The following ADORA2B variants were observed in gnomAD, a reference collection of about 807,000 sequenced individuals.
ADORA2B encodes the protein adenosine A2b receptor.
Under a neutral mutation model 20.8 loss-of-function variants are expected in ADORA2B, and 18 were observed. The ratio of observed to expected loss-of-function variants is 0.87; its 90% CI spans 0.60 to 1.29. ADORA2B has a LOEUF of 1.29. ADORA2B is among the 50% of genes most tolerant of loss of function. The pLI, the probability that ADORA2B is intolerant of heterozygous loss-of-function variation, is 0.00. For missense variants in ADORA2B, 441 were observed against 422.7 expected, an observed-to-expected ratio of 1.04 and a Z score of -0.38; for synonymous variants, 179 against 178.3, an observed-to-expected ratio of 1.00 and a Z score of -0.03.
the ADORA2B span, among the ~76,000 whole-genome samples, chr17:15,880,128 C>T: frequency 2.8e-5 from 4 of 143,320 alleles, no homozygotes; most frequent in South Asian, 2.2e-4. Flanking sequence ...CCATCGACCC[C>T]GGTGCCTCAG....
At chr17:15,898,355 G>A in the ADORA2B span, among the ~76,000 whole-genome samples, 5 of 151,786 alleles carry the variant, frequency 3.3e-5, no homozygotes, top group Non-Finnish European at 7.4e-5. Flanking sequence ...GTGCAATGGC[G>A]CGATCTCGGC....
At chr17:15,950,888 T>C (rs1297744600) in intron 1 of ADORA2B, among the ~76,000 whole-genome samples, 1 of 150,524 alleles carries the variant, frequency 6.6e-6, no homozygotes, top group East Asian at 1.9e-4. Flanking sequence ...TGCATTGGTT[T>C]ACCGCCATCT....
the ADORA2B span, among the ~76,000 whole-genome samples, chr17:15,854,217 A>C: frequency 6.6e-6 from 1 of 152,322 alleles, no homozygotes; most frequent in South Asian, 2.1e-4. Flanking sequence ...GACCTCCCAA[A>C]GTGCTGGGAT....
Position 15,960,368 on chromosome 17 carries a change from C to A in ADORA2B, c.336-14311C>A, listed in dbSNP as rs1381047127. Among the ~76,000 whole-genome samples, 45 of 13,150 alleles carry A rather than the reference C, an allele frequency of 3.4e-3. 20 individuals carry two copies. Among genetic ancestry groups the A allele is most frequent in the Middle Eastern group, 0.14 (2 of 14 alleles). The allele number at this position is 13,150 out of a possible 152,430, so 8.6% of individuals were successfully genotyped here. A position where few individuals can be genotyped will look rare whatever the true frequency, so the allele number is the denominator to read the frequency against. ...AGGAGATCGAGACCATCCTGGCTAA[C>A]ACGGTGAAACCCCGTCTCTACTAAA... On this transcript the variant is annotated intron_variant, in intron 1 of 1. Coordinates refer to ENST00000304222, the MANE Select transcript of ADORA2B (RefSeq NM_000676.4).
chr17:15,917,690 CG>C, the ADORA2B span, among the ~76,000 whole-genome samples: 2 of 152,246 alleles, frequency 1.3e-5, no homozygotes, highest in Non-Finnish European at 1.5e-5. Flanking sequence ...GCGCCGGTGA[CG>C]GGGGCTCTGC....
the ADORA2B span, among the ~76,000 whole-genome samples, chr17:15,867,815 C>CCA: frequency 6.7e-6 from 1 of 148,566 alleles, no homozygotes; most frequent in African/African-American, 2.6e-5. Context: ...TGCCCGGCCG[C>CCA]CCCTACTGGG....
upstream of ADORA2B, among the ~76,000 whole-genome samples, chr17:15,941,135 C>G (rs986381490): frequency 6.6e-6 from 1 of 152,190 alleles, no homozygotes; most frequent in South Asian, 2.1e-4. Context: ...CTTCCACTTT[C>G]ACCAGTGAAA....
At chr17:15,921,711 A>G in the ADORA2B span, among the ~76,000 whole-genome samples, 5 of 152,314 alleles carry the variant, frequency 3.3e-5, no homozygotes, top group African/African-American at 1.2e-4. Context: ...CTCCCTTCTC[A>G]TTAAAAAAAG....
chr17:15,870,666 C>T, the ADORA2B span, among the ~76,000 whole-genome samples: 1 of 152,012 alleles, frequency 6.6e-6, no homozygotes, highest in East Asian at 1.9e-4. Flanking sequence ...AATTGTTTTT[C>T]TGTCTCTGAG....
intron 1 of ADORA2B, among the ~76,000 whole-genome samples, chr17:15,965,242 C>T (rs1403376531): frequency 6.6e-6 from 1 of 152,210 alleles, no homozygotes; most frequent in African/African-American, 2.4e-5. Flanking sequence ...TTAGAACTCC[C>T]AAGTCCCAGG....
At chr17:15,874,675 AAG>A in the ADORA2B span, among the ~76,000 whole-genome samples, 5 of 152,122 alleles carry the variant, frequency 3.3e-5, no homozygotes, top group Admixed American at 1.3e-4. Flanking sequence ...CTGAGCAACA[AAG>A]AGAGACACCA....
At chr17:15,948,158 AG>A (rs1377533438) in intron 1 of ADORA2B, among the ~76,000 whole-genome samples, 2 of 150,398 alleles carry the variant, frequency 1.3e-5, no homozygotes, top group Non-Finnish European at 3.0e-5. Flanking sequence ...TCCCGGTTCG[AG>A]GGCTCCAAGT....
Position 15,957,133 on chromosome 17 carries a change from G to A in ADORA2B, c.335+11550G>A, listed in dbSNP as rs145661017. Among the ~76,000 whole-genome samples, 11 of 152,344 alleles carry A rather than the reference G, an allele frequency of 7.2e-5. 1 individual carries two copies. Among genetic ancestry groups the A allele is most frequent in the African/African-American group, 2.4e-4 (10 of 41,576 alleles). ...GACCAGGGCAGAGGCCATGGAGATG[G>A]CAGCAGACTCTACAGATATTGGAGA... On this transcript the variant is annotated intron_variant, in intron 1 of 1. Coordinates refer to ENST00000304222, the MANE Select transcript of ADORA2B (RefSeq NM_000676.4).
At chr17:15,863,392 A>T in the ADORA2B span, among the ~76,000 whole-genome samples, 1 of 151,956 alleles carries the variant, frequency 6.6e-6, no homozygotes, top group African/African-American at 2.4e-5. Flanking sequence ...GTTGCCCAGG[A>T]TGGAGTGCAG....
At chr17:15,929,062 T>G in the ADORA2B span, among the ~76,000 whole-genome samples, 1 of 152,046 alleles carries the variant, frequency 6.6e-6, no homozygotes, top group Non-Finnish European at 1.5e-5. Flanking sequence ...TTGAGAGAGC[T>G]GCAGGAGAAA....
At chr17:15,878,358 C>T in the ADORA2B span, among the ~76,000 whole-genome samples, 2 of 152,142 alleles carry the variant, frequency 1.3e-5, no homozygotes, top group African/African-American at 2.4e-5. Flanking sequence ...CCTTCTGTGG[C>T]TCTGTGGGTC....
At chr17:15,961,412 G>A (rs1049600092) in intron 1 of ADORA2B, among the ~76,000 whole-genome samples, 1 of 152,174 alleles carries the variant, frequency 6.6e-6, no homozygotes, top group Non-Finnish European at 1.5e-5. Flanking sequence ...CATGAGTGGT[G>A]CTGCATCCTC....
At chr17:15,965,507 TC>T (rs1970104907) in intron 1 of ADORA2B, among the ~76,000 whole-genome samples, 1 of 152,198 alleles carries the variant, frequency 6.6e-6, no homozygotes, top group Non-Finnish European at 1.5e-5. Flanking sequence ...CTGCTCTGCT[TC>T]CATGTGAACT....
At chr17:15,952,031 G>A (rs1268056542) in intron 1 of ADORA2B, among the ~76,000 whole-genome samples, 1 of 152,220 alleles carries the variant, frequency 6.6e-6, no homozygotes, top group African/African-American at 2.4e-5. Context: ...GCCTCATGCT[G>A]TGGACATTCC....
Sources: gnomAD v4.1 joint callset for allele counts (sites outside exome capture counted in the v4.1 genomes callset) on GRCh38, gnomAD v4.1.1 for gene constraint, MANE v1.5 for transcripts, NCBI Gene and HGNC (gene_info 2026-07-23, HGNC 2026-07-21) for gene names.